The following B4GALT6 variants were observed in gnomAD, a reference collection of about 807,000 sequenced individuals.
B4GALT6 encodes the protein beta-1,4-galactosyltransferase 6, also known as UDP-Gal:beta-GlcNAc beta-1,4-galactosyltransferase 6.
Under a neutral mutation model 46.3 loss-of-function variants are expected in B4GALT6, and 14 were observed. The observed-to-expected ratio is 0.30, with a 90% CI of 0.20 to 0.47. B4GALT6 has a LOEUF of 0.47. Ranked by LOEUF, B4GALT6 falls within the 20% of genes least tolerant of loss-of-function variation. B4GALT6 has a pLI of 0.99. For missense variants in B4GALT6, 386 were observed against 480.1 expected (o/e 0.80, Z 1.83); for synonymous variants, 168 against 162.0 (o/e 1.04, Z -0.28).
At chr18:31,717,283 A>G in the B4GALT6 span, among the ~76,000 whole-genome samples, 1 of 152,352 alleles carries the variant, frequency 6.6e-6, no homozygotes, top group East Asian at 1.9e-4. Context: ...AGAATAAACA[A>G]AAGAATACTA....
intron 6 of B4GALT6, among the ~76,000 whole-genome samples, chr18:31,628,125 T>A (rs2073725540): frequency 6.6e-6 from 1 of 152,186 alleles, no homozygotes; most frequent in Admixed American, 6.5e-5. Flanking sequence ...CATGGAAGCC[T>A]AGGGTTGTAG....
intron 4 of B4GALT6, among the ~76,000 whole-genome samples, chr18:31,640,271 A>G (rs975066655): frequency 4.6e-5 from 7 of 152,200 alleles, no homozygotes; most frequent in African/African-American, 1.7e-4. Flanking sequence ...GAATAAATGG[A>G]AATAATTGAG....
At position 31,638,557 on chromosome 18, in the gene B4GALT6, T is replaced by C. The variant is rs2073891062; in HGVS notation, c.588+87A>G. 5.3e-6 allele frequency: 6 copies of C among 1,123,942 alleles called. No homozygotes were observed. The South Asian group carries it at 5.6e-5, about 10-fold the overall frequency. The allele number at this position is 1,123,942 out of a possible 1,614,324, so 69.6% of individuals were successfully genotyped here. ...AACTAAACTAAGAATCAGACTTACC[T>C]TATTAATCCTAAATATGTTTAATCT... On this transcript the variant is annotated intron_variant, in intron 5 of 8. Transcript: ENST00000306851.
the B4GALT6 span, among the ~76,000 whole-genome samples, chr18:31,696,844 C>T: frequency 2.2e-4 from 34 of 152,252 alleles, no homozygotes; most frequent in South Asian, 3.5e-3. Context: ...AGTCATTTAA[C>T]GCAGAAATGT....
intron 4 of B4GALT6, among the ~76,000 whole-genome samples, chr18:31,639,504 T>C (rs2073903905): frequency 6.6e-6 from 1 of 152,104 alleles, no homozygotes; most frequent in African/African-American, 2.4e-5. Flanking sequence ...ACACATGAAG[T>C]TTGATAATTA....
At chr18:31,636,421 C>G (rs751972018) in intron 5 of B4GALT6, among the ~76,000 whole-genome samples, 3 of 152,100 alleles carry the variant, frequency 2.0e-5, no homozygotes, top group Non-Finnish European at 4.4e-5. Context: ...TCAGTAAAAA[C>G]AAAGACAACC....
chr18:31,625,498 G>T lies in B4GALT6; in HGVS notation c.*116C>A. The T allele has an allele frequency of 8.7e-7, 1 of 1,143,564 alleles. No homozygotes were observed. The highest frequency in any genetic ancestry group is 1.3e-6 in the Non-Finnish European group (1 of 778,734). The allele number at this position is 1,143,564 out of a possible 1,614,324, so 70.8% of individuals were successfully genotyped here. ...CACTCTGTAAACACTGTGGACTGCT[G>T]GCTCTTCTCAGAGAAAAGGGCACTG... On this transcript the variant is annotated 3_prime_UTR_variant, in exon 9 of 9. Transcript: ENST00000306851.
intron 1 of B4GALT6, among the ~76,000 whole-genome samples, chr18:31,669,066 T>C (rs1411734040): frequency 6.6e-6 from 1 of 151,966 alleles, no homozygotes; most frequent in Non-Finnish European, 1.5e-5. Flanking sequence ...AATTCCTCTC[T>C]GTCCATGTAT....
chr18:31,710,813 ACC>A, the B4GALT6 span, among the ~76,000 whole-genome samples: 1 of 26,876 alleles, frequency 3.7e-5, no homozygotes, highest in East Asian at 7.5e-4. Context: ...TCCTGAATAC[ACC>A]ACACACACAC....
chr18:31,662,685 C>CA (rs1267225232), intron 2 of B4GALT6, among the ~76,000 whole-genome samples: 1 of 152,068 alleles, frequency 6.6e-6, no homozygotes, highest in Non-Finnish European at 1.5e-5. Context: ...ACTAAAAATA[C>CA]AAAAAATTAG....
At chr18:31,666,234 G>T (rs1476100949) in intron 2 of B4GALT6, 22 bp downstream of exon 2, 2 of 1,403,172 alleles carry the variant, frequency 1.4e-6, no homozygotes, top group Non-Finnish European at 2.0e-6. Context: ...ACTACAAGGG[G>T]TTAAGCAGGA....
chr18:31,701,065 T>A, the B4GALT6 span, among the ~76,000 whole-genome samples: 1 of 152,064 alleles, frequency 6.6e-6, no homozygotes, highest in African/African-American at 2.4e-5. Context: ...AACATAGAAA[T>A]TCAGTATATA....
intron 1 of B4GALT6, among the ~76,000 whole-genome samples, chr18:31,679,050 T>C (rs1187440698): frequency 6.6e-6 from 1 of 152,224 alleles, no homozygotes; most frequent in Non-Finnish European, 1.5e-5. Context: ...GGAATACCTA[T>C]TACACACAGA....
the B4GALT6 span, among the ~76,000 whole-genome samples, chr18:31,712,459 C>T: frequency 1.3e-5 from 2 of 151,750 alleles, no homozygotes; most frequent in South Asian, 2.1e-4. Context: ...CCCACCACCA[C>T]GCCCAGATAA....
At chr18:31,695,289 A>AT in the B4GALT6 span, among the ~76,000 whole-genome samples, 88 of 115,476 alleles carry the variant, frequency 7.6e-4, no homozygotes, top group Middle Eastern at 9.0e-3. Flanking sequence ...CCTCCCTGAA[A>AT]TTAAAAAAAA....
At chr18:31,662,137 AC>A (rs2074224821) in intron 2 of B4GALT6, among the ~76,000 whole-genome samples, 2 of 152,226 alleles carry the variant, frequency 1.3e-5, no homozygotes, top group African/African-American at 4.8e-5. Flanking sequence ...ACAAGAGTAA[AC>A]ATTCCATCAC....
At chr18:31,683,060 C>T (rs1198643196) in intron 1 of B4GALT6, among the ~76,000 whole-genome samples, 1 of 152,134 alleles carries the variant, frequency 6.6e-6, no homozygotes, top group Non-Finnish European at 1.5e-5. Context: ...TGGGATACGT[C>T]AACGTTTCAC....
intron 1 of B4GALT6, among the ~76,000 whole-genome samples, chr18:31,677,012 T>C (rs2074422391): frequency 1.3e-5 from 2 of 152,234 alleles, no homozygotes. Flanking sequence ...TTCTTTTACA[T>C]AGCTTTTGAA....
chr18:31,631,183 T>G, intron 5 of B4GALT6, 37 bp from the exon 6 acceptor site: 3 of 1,457,702 alleles, frequency 2.1e-6, no homozygotes, highest in Non-Finnish European at 2.8e-6. Flanking sequence ...AATAGAAATG[T>G]ACTCACACTT....
Sources: gnomAD v4.1 joint callset for allele counts (sites outside exome capture counted in the v4.1 genomes callset) on GRCh38, gnomAD v4.1.1 for gene constraint, MANE v1.5 for transcripts, NCBI Gene and HGNC (gene_info 2026-07-23, HGNC 2026-07-21) for gene names.